CTBS: variants seen among roughly 807,000 people sequenced by gnomAD.
The protein encoded by CTBS is chitobiase.
Under a neutral mutation model 44.3 loss-of-function variants are expected in CTBS, and 35 were observed. That is an observed-to-expected ratio of 0.79 (90% confidence interval 0.60 to 1.05). The LOEUF (loss-of-function observed/expected upper bound fraction) is 1.05. Among genes scored for constraint, CTBS ranks in the 50% least tolerant of loss-of-function variants. The pLI is 0.00. For missense variants in CTBS, 458 were observed against 475.3 expected (o/e 0.96, Z 0.34); for synonymous variants, 143 against 168.0 (o/e 0.85, Z 1.15).
rs544438113 is a variant in CTBS at position 84,556,656 on chromosome 1, A to C, written c.958-1457T>G. Among the ~76,000 whole-genome samples, 334 of 150,132 alleles carry C rather than the reference A, an allele frequency of 2.2e-3. 4 individuals are homozygous for C. Among genetic ancestry groups the C allele is most frequent in the African/African-American group, 7.9e-3 (320 of 40,416 alleles). On this transcript the variant is annotated intron_variant, in intron 6 of 6. Coordinates refer to ENST00000370630, the MANE Select transcript of CTBS (RefSeq NM_004388.3). The stretch of plus-strand genomic sequence containing the variant: ...GAACCCAGGAGACGGAGGTTGCAGT[A>C]AGCTGAGATCACGCCACTGCACTCC...
intron 6 of CTBS, among the ~76,000 whole-genome samples, chr1:84,557,533 C>CAAAAAAAAAAAAAAAAACAAAAAAA (rs1684472405): frequency 1.8e-5 from 1 of 55,438 alleles, no homozygotes; most frequent in Non-Finnish European, 3.5e-5. Context: ...AACTCCATCT[C>CAAAAAAAAAAAAAAAAACAAAAAAA]AAAAAAAAAA....
rs952736327 is a variant in CTBS, at chr1:84,550,855, T to A, written c.*4144A>T. 4 of 991,374 alleles carry A rather than the reference T, an allele frequency of 4.0e-6. No individual in the cohort carries two copies. In the African/African-American group the frequency reaches 5.2e-5, roughly 13 times the overall value. The allele number at this position is 991,374 out of a possible 1,614,324, so 61.4% of individuals were successfully genotyped here. A position where few individuals can be genotyped will look rare whatever the true frequency, so the allele number is the denominator to read the frequency against. ...CCTGTATTAGAATTATTAAGTCTGA[T>A]AAACCACTGAGCTCTCCTCTGAACT... is the stretch of plus-strand genomic sequence containing the variant. On this transcript the variant is annotated 3_prime_UTR_variant, in exon 7 of 7. Coordinates refer to ENST00000370630, the MANE Select transcript of CTBS (RefSeq NM_004388.3).
rs111982918 is a variant in CTBS, at chr1:84,557,209, A to G, written c.958-2010T>C. On this transcript the variant is annotated intron_variant, in intron 6 of 6. Coordinates refer to ENST00000370630, the MANE Select transcript of CTBS (RefSeq NM_004388.3). ...TCTCTTCAAATAAGACAGAAACTTG[A>G]TTCATGTTGCTACAGAATTTTGCAA... Among the ~76,000 whole-genome samples the G allele has an allele frequency of 7.2e-5, 11 of 152,316 alleles. 1 individual carries two copies. Among genetic ancestry groups the G allele is most frequent in the African/African-American group, 2.6e-4 (11 of 41,574 alleles).
rs1440724696 is a variant in CTBS at position 84,555,160 on chromosome 1, G to C, written c.997C>G (p.Pro333Ala). Residue 333 changes from proline (P) to alanine (A), a missense_variant, in exon 7 of 7, where the codon CCT becomes GCT. By Grantham distance (27) the Pro-to-Ala change is conservative. Coordinates refer to ENST00000370630, the MANE Select transcript of CTBS (RefSeq NM_004388.3). ...GTTGCCTTTAAAGAAATACTCTGAGGGTTATCATACCATACTTGATGAAAG... is the reference window on the plus strand; with the variant it reads ...GTTGCCTTTAAAGAAATACTCTGAGCGTTATCATACCATACTTGATGAAAG... ...GHFHQVWYDN[P>A]QSISLKATYI... The C allele has an allele frequency of 6.2e-7, 1 of 1,613,730 alleles. No individual in the cohort carries two copies. The highest frequency in any genetic ancestry group is 1.1e-5 in the South Asian group (1 of 91,046).
In CTBS at chr1:84,553,032, T is replaced by C. The variant is rs1234134511; in HGVS notation, c.*1967A>G. 2 of 1,509,228 alleles carry C rather than the reference T, an allele frequency of 1.3e-6. No individual in the cohort carries two copies. Among genetic ancestry groups the C allele is most frequent in the East Asian group, 2.5e-5 (1 of 39,908 alleles). 93.5% of individuals were successfully genotyped at this position (1,509,228 alleles called of 1,614,324 possible). ...CATTTTTGAAAAGTAATTCTTTTTATAGATGAGAAAACAAGCAGTTTCAGA... is the reference window on the plus strand; with the variant it reads ...CATTTTTGAAAAGTAATTCTTTTTACAGATGAGAAAACAAGCAGTTTCAGA... On this transcript the variant is annotated 3_prime_UTR_variant, in exon 7 of 7. Coordinates refer to ENST00000370630, the MANE Select transcript of CTBS (RefSeq NM_004388.3).
chr1:84,562,879 T>C lies in CTBS; in HGVS notation c.957+378A>G, dbSNP rs113129657. Among the ~76,000 whole-genome samples, 11 of 152,322 alleles carry C rather than the reference T, an allele frequency of 7.2e-5. 1 individual carries two copies. The highest frequency in any genetic ancestry group is 2.6e-4 in the African/African-American group (11 of 41,580). On this transcript the variant is annotated intron_variant, in intron 6 of 6. Transcript: ENST00000370630. ...TCCCTATGTAAGTCTCATCAGAATC[T>C]GTAGGCCACTTTGAAATGGAGGCTT...
At chr1:84,561,603 C>A (rs531811596) in intron 6 of CTBS, among the ~76,000 whole-genome samples, 1 of 152,272 alleles carries the variant, frequency 6.6e-6, no homozygotes, top group African/African-American at 2.4e-5. Context: ...ACGTTTTACA[C>A]AGAAATCTTT....
chr1:84,557,508 G>A (rs566506639), intron 6 of CTBS, among the ~76,000 whole-genome samples: 48 of 136,448 alleles, frequency 3.5e-4, no homozygotes, highest in African/African-American at 1.4e-3. Context: ...ACTCCAGCCT[G>A]GGCGAAAAGA....
intron 2 of CTBS, 97 bp from the exon 3 acceptor site, chr1:84,570,236 A>G: frequency 1.1e-6 from 1 of 931,698 alleles, no homozygotes; most frequent in Non-Finnish European, 1.6e-6. Flanking sequence ...ATGGAGAAAG[A>G]ATATACCAAA....
In CTBS at chr1:84,566,648, G is replaced by C. The variant is rs747411741; in HGVS notation, c.526-636C>G. Among the ~76,000 whole-genome samples the C allele has an allele frequency of 4.0e-5, 6 of 151,868 alleles. No individual in the cohort carries two copies. The South Asian group carries it at 8.3e-4, about 21-fold the overall frequency. ...TGTTGAGTATTATCTTTCTTTTTTG[G>C]GGGGGATGGAGTCTTGCTCTGTCAC... On this transcript the variant is annotated intron_variant, in intron 3 of 6. Coordinates refer to ENST00000370630, the MANE Select transcript of CTBS (RefSeq NM_004388.3).
At chr1:84,574,155 C>T (rs1001370227) in intron 1 of CTBS, 84 bp downstream of exon 1, 3 of 1,544,056 alleles carry the variant, frequency 1.9e-6, no homozygotes, top group Non-Finnish European at 1.7e-6. Context: ...GCGCCCACGG[C>T]ACCTCTCCTT....
In CTBS at chr1:84,555,051, T is replaced by C; in HGVS notation, c.1106A>G (p.Gln369Arg). 6.2e-7 allele frequency: 1 copy of C among 1,614,070 alleles called. No homozygotes were observed. Among genetic ancestry groups the C allele is most frequent in the Non-Finnish European group, 8.5e-7 (1 of 1,179,982 alleles). The change falls in exon 7 of 7, where the codon CAG (glutamine) becomes CGG (arginine). Residue 369 changes from glutamine to arginine, a missense_variant. Coordinates refer to ENST00000370630, the MANE Select transcript of CTBS (RefSeq NM_004388.3). ...LDYSGDAVAK[Q>R]QTEEMWEVLK... ...GACTTCCCACATTTCTTCAGTTTGC[T>C]GTTTGGCTACAGCATCTCCAGAGTA...
chr1:84,571,373 G>T (rs1647294516), intron 1 of CTBS, among the ~76,000 whole-genome samples: 1 of 152,192 alleles, frequency 6.6e-6, no homozygotes, highest in African/African-American at 2.4e-5. Flanking sequence ...AGTAATCAAA[G>T]GAGAGAAGTC....
Position 84,565,964 on chromosome 1 carries a change from A to T in CTBS, c.574T>A (p.Tyr192Asn). ...GCATCTGCGATTCCAGTATAATTATAGCATCTTCTGTCTATGTTCTTTGGA... is the reference window on the plus strand; with the variant it reads ...GCATCTGCGATTCCAGTATAATTATTGCATCTTCTGTCTATGTTCTTTGGA... ...WSPKNIDRRC[Y>N]NYTGIADACD... The change falls in exon 4 of 7, where the codon TAT becomes AAT. Residue 192 changes from tyrosine to asparagine, a missense_variant. By Grantham distance (143) the Tyr-to-Asn change is moderately radical. Transcript: ENST00000370630. 1.9e-6 allele frequency: 3 copies of T among 1,594,560 alleles called. No individual in the cohort carries two copies. The highest frequency in any genetic ancestry group is 2.6e-6 in the Non-Finnish European group (3 of 1,171,524).
intron 6 of CTBS, among the ~76,000 whole-genome samples, chr1:84,560,396 C>T (rs184068915): frequency 6.6e-6 from 1 of 152,324 alleles, no homozygotes; most frequent in East Asian, 1.9e-4. Context: ...AGTTTTCCCA[C>T]TCAGTCTGTT....
In CTBS at chr1:84,549,783, A is replaced by G. The variant is rs904560657; in HGVS notation, c.*5216T>C. 2 of 152,064 alleles carry G rather than the reference A, an allele frequency of 1.3e-5. No homozygotes were observed. The highest frequency in any genetic ancestry group is 4.8e-5 in the African/African-American group (2 of 41,440). 9.4% of individuals were successfully genotyped at this position (152,064 alleles called of 1,614,324 possible). A position where few individuals can be genotyped will look rare whatever the true frequency, so the allele number is the denominator to read the frequency against. Reference sequence around the variant, plus strand: ...AAAAGTAAGGATTTAACTTTAGACAAGATGAAATATTAAAAGTTTATTATT... The same window carrying G: ...AAAAGTAAGGATTTAACTTTAGACAGGATGAAATATTAAAAGTTTATTATT... On this transcript the variant is annotated 3_prime_UTR_variant, in exon 7 of 7. Transcript: ENST00000370630.
intron 1 of CTBS, among the ~76,000 whole-genome samples, chr1:84,572,345 C>T (rs1189777288): frequency 6.6e-6 from 1 of 150,906 alleles, no homozygotes; most frequent in African/African-American, 2.4e-5. Flanking sequence ...TTTTCTGACT[C>T]ATATTTCTAT....
chr1:84,560,877 GA>G (rs903428246), intron 6 of CTBS, among the ~76,000 whole-genome samples: 16 of 151,654 alleles, frequency 1.1e-4, no homozygotes, highest in Admixed American at 2.6e-4. Flanking sequence ...GATGTACTAA[GA>G]AAAAAAAGAG....
chr1:84,558,103 T>C (rs1558624100), intron 6 of CTBS, among the ~76,000 whole-genome samples: 1 of 152,172 alleles, frequency 6.6e-6, no homozygotes. Context: ...GTGGTAACTA[T>C]AGTTAATAAC....
Sources: allele counts gnomAD v4.1 joint callset (sites outside exome capture counted in the v4.1 genomes callset), GRCh38; gene constraint gnomAD v4.1.1; transcripts MANE v1.5; gene names NCBI Gene and HGNC (gene_info 2026-07-23, HGNC 2026-07-21).